The following NXPE2 variants were observed in gnomAD, a reference collection of about 807,000 sequenced individuals.
The protein encoded by NXPE2 is neurexophilin and PC-esterase domain family member 2, also known as NXPE family member 2.
NXPE2 carries 34 observed loss-of-function variants against 34.4 expected under a neutral mutation model. That is an observed-to-expected ratio of 0.99 (90% CI 0.75 to 1.31). The LOEUF is 1.31. Among genes scored for constraint, NXPE2 ranks in the 40% most tolerant of loss-of-function variants. NXPE2 has a pLI of 0.00. For missense variants in NXPE2, 649 were observed against 672.5 expected (o/e 0.97, Z 0.39); for synonymous variants, 235 against 231.3 (o/e 1.02, Z -0.15).
At chr11:114,620,034 C>T in the NXPE2 span, among the ~76,000 whole-genome samples, 1 of 140,554 alleles carries the variant, frequency 7.1e-6, no homozygotes, top group Non-Finnish European at 1.6e-5. Flanking sequence ...AATGGATACT[C>T]ACTACTGCCT....
the NXPE2 span, among the ~76,000 whole-genome samples, chr11:114,623,516 T>C: frequency 6.6e-6 from 1 of 152,072 alleles, no homozygotes; most frequent in African/African-American, 2.4e-5. Context: ...TAATAAGTAT[T>C]CCCTCGTGGA....
intron 4 of NXPE2, 146 bp downstream of exon 4, chr11:114,704,198 G>A: frequency 3.3e-6 from 2 of 601,256 alleles, no homozygotes; most frequent in Non-Finnish European, 2.9e-6. Context: ...TTTAGAGAAG[G>A]GATTTTATTC....
the NXPE2 span, among the ~76,000 whole-genome samples, chr11:114,799,311 A>AAAAAAAAAAAAG: frequency 7.5e-6 from 1 of 133,022 alleles, no homozygotes; most frequent in African/African-American, 2.7e-5. Context: ...AAAAAAAAAA[A>AAAAAAAAAAAAG]AAAATTGGTG....
chr11:114,599,588 G>A, the NXPE2 span, among the ~76,000 whole-genome samples: 4 of 152,264 alleles, frequency 2.6e-5, no homozygotes, highest in South Asian at 4.1e-4. Flanking sequence ...GGTTCCACAG[G>A]CTATACAGGG....
the NXPE2 span, among the ~76,000 whole-genome samples, chr11:114,506,346 A>G: frequency 6.6e-6 from 1 of 152,228 alleles, no homozygotes; most frequent in Non-Finnish European, 1.5e-5. Flanking sequence ...TAACAAAGGT[A>G]TTCAGGAACT....
the NXPE2 span, among the ~76,000 whole-genome samples, chr11:114,762,809 T>C: frequency 6.6e-6 from 1 of 152,186 alleles, no homozygotes; most frequent in Non-Finnish European, 1.5e-5. Flanking sequence ...AAATGGCACA[T>C]TCAGAAGCTG....
At chr11:114,528,246 T>A in the NXPE2 span, among the ~76,000 whole-genome samples, 1 of 152,210 alleles carries the variant, frequency 6.6e-6, no homozygotes, top group African/African-American at 2.4e-5. Flanking sequence ...TTTCCTTGGA[T>A]TACTGTGAGC....
chr11:114,603,463 G>T, the NXPE2 span, among the ~76,000 whole-genome samples: 135 of 150,652 alleles, frequency 9.0e-4, no homozygotes, highest in African/African-American at 2.2e-3. Flanking sequence ...CCTGGTGGAT[G>T]ATAAGTATTG....
the NXPE2 span, among the ~76,000 whole-genome samples, chr11:114,482,392 T>A: frequency 6.6e-6 from 1 of 152,182 alleles, no homozygotes; most frequent in Non-Finnish European, 1.5e-5. Context: ...ATCTGTTCAG[T>A]CTCAGTGTTA....
the NXPE2 span, chr11:114,550,981 A>C: frequency 1.6e-6 from 1 of 610,774 alleles, no homozygotes. Context: ...GAGAGAGAGA[A>C]GATAGGGCAG....
the NXPE2 span, among the ~76,000 whole-genome samples, chr11:114,737,798 A>G: frequency 6.6e-6 from 1 of 152,080 alleles, no homozygotes; most frequent in African/African-American, 2.4e-5. Context: ...GTTAGATTGG[A>G]GAGGCTGGGC....
At chr11:114,778,435 A>T in the NXPE2 span, among the ~76,000 whole-genome samples, 1 of 152,236 alleles carries the variant, frequency 6.6e-6, no homozygotes, top group African/African-American at 2.4e-5. Context: ...GTAAAAGGTC[A>T]TTTTGGCTGT....
the NXPE2 span, among the ~76,000 whole-genome samples, chr11:114,781,811 T>C: frequency 6.6e-6 from 1 of 152,206 alleles, no homozygotes; most frequent in African/African-American, 2.4e-5. Flanking sequence ...CCTTATTTTG[T>C]TCCCATGGGG....
chr11:114,526,722 G>A, the NXPE2 span: 2 of 152,168 alleles, frequency 1.3e-5, no homozygotes, highest in Non-Finnish European at 2.9e-5. Context: ...GGTAAAAAGA[G>A]TTAGATAAAA....
At chr11:114,769,253 A>T in the NXPE2 span, among the ~76,000 whole-genome samples, 1 of 152,168 alleles carries the variant, frequency 6.6e-6, no homozygotes, top group Non-Finnish European at 1.5e-5. Flanking sequence ...AATCAAAACC[A>T]CAATGAGATA....
At chr11:114,638,235 C>T in the NXPE2 span, among the ~76,000 whole-genome samples, 1 of 152,062 alleles carries the variant, frequency 6.6e-6, no homozygotes, top group Non-Finnish European at 1.5e-5. Flanking sequence ...CACTGATACA[C>T]TTTCTTCCAG....
chr11:114,652,295 G>C, the NXPE2 span, among the ~76,000 whole-genome samples: 1 of 152,190 alleles, frequency 6.6e-6, no homozygotes, highest in Non-Finnish European at 1.5e-5. Flanking sequence ...TGCCCTTAAG[G>C]CATCCTGTTC....
the NXPE2 span, among the ~76,000 whole-genome samples, chr11:114,523,987 A>C: frequency 7.2e-5 from 11 of 152,234 alleles, no homozygotes; most frequent in Non-Finnish European, 1.6e-4. Flanking sequence ...TGGAGTGAGA[A>C]GGCCAGGGCT....
At chr11:114,799,425 A>C in the NXPE2 span, among the ~76,000 whole-genome samples, 1 of 152,190 alleles carries the variant, frequency 6.6e-6, no homozygotes, top group Non-Finnish European at 1.5e-5. Context: ...CAAATATATC[A>C]GAGAATGGAG....
Sources: allele counts gnomAD v4.1 joint callset (sites outside exome capture counted in the v4.1 genomes callset), GRCh38; gene constraint gnomAD v4.1.1; transcripts MANE v1.5; gene names NCBI Gene and HGNC (gene_info 2026-07-23, HGNC 2026-07-21).